CSMD2: variants seen among roughly 807,000 people sequenced by gnomAD.
The protein encoded by CSMD2 is CUB and Sushi multiple domains 2, also known as CUB and sushi domain-containing protein 2.
CSMD2 carries 130 observed loss-of-function variants against 398.5 expected under a neutral mutation model. The observed-to-expected ratio is 0.33, with a 90% confidence interval of 0.28 to 0.38. The LOEUF (loss-of-function observed/expected upper bound fraction) is 0.38, where lower values mean the gene tolerates loss of function less well. Among genes scored for constraint, CSMD2 ranks in the 10% least tolerant of loss-of-function variants. The probability of loss-of-function intolerance (pLI) is 1.00; values close to 1 mark genes in which losing one functional copy is unlikely to be tolerated. For missense variants in CSMD2, 3,829 were observed against 4,764.9 expected, an observed-to-expected ratio of 0.80 and a Z score of 5.78; for synonymous variants, 1,828 against 1,908.5, an observed-to-expected ratio of 0.96 and a Z score of 1.10.
At position 33,520,836 on chromosome 1, in the gene CSMD2, TC is replaced by T. The variant is rs1464353319; in HGVS notation, c.10597+626del. ...CACGCACCTGCGGCTGCCTCCTGTT[TC>T]CCCCTCCCCTGCTTCTGAGAAACCA... On this transcript the variant is annotated intron_variant, in intron 68 of 70. Coordinates refer to ENST00000373381, the MANE Select transcript of CSMD2 (RefSeq NM_001281956.2). 2.0e-5 allele frequency among the ~76,000 whole-genome samples: 3 copies of T among 152,164 alleles called. No homozygotes were observed. The East Asian group carries it at 5.8e-4, about 29-fold the overall frequency.
At chr1:33,871,395 C>A (rs1444343583) in intron 5 of CSMD2, among the ~76,000 whole-genome samples, 1 of 152,134 alleles carries the variant, frequency 6.6e-6, no homozygotes, top group Non-Finnish European at 1.5e-5. Flanking sequence ...AAGTGATGAA[C>A]ATGTTATTGG....
At chr1:33,576,187 C>T (rs1048715897) in intron 49 of CSMD2, among the ~76,000 whole-genome samples, 32 of 152,186 alleles carry the variant, frequency 2.1e-4, no homozygotes, top group African/African-American at 7.7e-4. Context: ...AGTTTATCGT[C>T]ACAAAGAATA....
intron 22 of CSMD2, among the ~76,000 whole-genome samples, chr1:33,701,714 G>T (rs1276556803): frequency 6.6e-6 from 1 of 152,226 alleles, no homozygotes; most frequent in Non-Finnish European, 1.5e-5. Flanking sequence ...TTGTGTAATT[G>T]CTGTGTATCA....
At chr1:33,671,541 C>A (rs1644497957) in intron 25 of CSMD2, among the ~76,000 whole-genome samples, 1 of 152,056 alleles carries the variant, frequency 6.6e-6, no homozygotes, top group African/African-American at 2.4e-5. Context: ...TCTCCACATG[C>A]CTTTCCTCAA....
chr1:33,882,822 A>T (rs1486959479), intron 5 of CSMD2, among the ~76,000 whole-genome samples: 1 of 151,952 alleles, frequency 6.6e-6, no homozygotes, highest in Admixed American at 6.6e-5. Flanking sequence ...TCTTCCTTCC[A>T]TTCTTCCTTC....
intron 58 of CSMD2, among the ~76,000 whole-genome samples, chr1:33,541,789 G>A (rs1656369781): frequency 1.3e-5 from 2 of 152,214 alleles, no homozygotes; most frequent in South Asian, 4.1e-4. Context: ...TCCTAAATGA[G>A]GCTAGGACCC....
intron 3 of CSMD2, among the ~76,000 whole-genome samples, chr1:33,987,064 C>A (rs1646383851): frequency 2.0e-5 from 3 of 152,060 alleles, no homozygotes; most frequent in Admixed American, 2.0e-4. Flanking sequence ...CCCCTCTGCC[C>A]AGAGGGGCTA....
At chr1:34,082,433 G>T (rs1286904330) in intron 2 of CSMD2, among the ~76,000 whole-genome samples, 1 of 151,090 alleles carries the variant, frequency 6.6e-6, no homozygotes, top group Non-Finnish European at 1.5e-5. Context: ...CCCCCGCCTG[G>T]CAGCCGCCCC....
intron 5 of CSMD2, among the ~76,000 whole-genome samples, chr1:33,902,347 A>C (rs1268624450): frequency 6.6e-6 from 1 of 152,124 alleles, no homozygotes; most frequent in Non-Finnish European, 1.5e-5. Context: ...TATTTCCAGA[A>C]AGACAATCAA....
intron 10 of CSMD2, among the ~76,000 whole-genome samples, chr1:33,808,207 G>A (rs562425998): frequency 1.4e-4 from 21 of 152,150 alleles, no homozygotes; most frequent in East Asian, 1.2e-3. Flanking sequence ...TCCCTCTGCC[G>A]TTGATTGATG....
At chr1:33,534,308 G>A (rs1322942708) in intron 62 of CSMD2, among the ~76,000 whole-genome samples, 1 of 152,210 alleles carries the variant, frequency 6.6e-6, no homozygotes, top group Non-Finnish European at 1.5e-5. Context: ...ACACTCAAAT[G>A]TGATGGCGGA....
chr1:33,708,859 A>G (rs773498788), intron 22 of CSMD2, among the ~76,000 whole-genome samples: 1 of 152,120 alleles, frequency 6.6e-6, no homozygotes, highest in Non-Finnish European at 1.5e-5. Flanking sequence ...ACTCAATTAC[A>G]CATGCATTTG....
At chr1:33,920,329 T>C (rs1431871043) in intron 4 of CSMD2, among the ~76,000 whole-genome samples, 3 of 144,836 alleles carry the variant, frequency 2.1e-5, no homozygotes, top group African/African-American at 7.7e-5. Flanking sequence ...AGGAGTTCAA[T>C]ACCAGCTTGG....
intron 13 of CSMD2, among the ~76,000 whole-genome samples, chr1:33,764,735 G>C (rs1462866601): frequency 6.6e-6 from 1 of 152,216 alleles, no homozygotes; most frequent in Non-Finnish European, 1.5e-5. Flanking sequence ...AATCTTTGCT[G>C]ATCCCAACTC....
chr1:34,141,437 G>A (rs1463590408), intron 1 of CSMD2, among the ~76,000 whole-genome samples: 4 of 152,174 alleles, frequency 2.6e-5, no homozygotes, highest in African/African-American at 7.2e-5. Context: ...CAGGGTAAGC[G>A]AAGGAAGGGA....
In CSMD2 at chr1:33,516,267, T is replaced by C. The variant is rs1205396366; in HGVS notation, c.*357A>G. 1 of 152,006 alleles carries C rather than the reference T, an allele frequency of 6.6e-6. No individual in the cohort carries two copies. The highest frequency in any genetic ancestry group is 1.5e-5 in the Non-Finnish European group (1 of 68,020). 9.4% of individuals were successfully genotyped at this position (152,006 alleles called of 1,614,324 possible). ...TTTGAAGCCTTTATGGTCTCTTCCA[T>C]AGGACGTGAATGAAGGAGAGGTGTG... On this transcript the variant is annotated 3_prime_UTR_variant, in exon 71 of 71. Transcript: ENST00000373381.
intron 3 of CSMD2, among the ~76,000 whole-genome samples, chr1:33,981,548 C>G (rs558567466): frequency 6.6e-6 from 1 of 152,222 alleles, no homozygotes; most frequent in Non-Finnish European, 1.5e-5. Flanking sequence ...CATAACAACC[C>G]CTTCATTTGT....
At chr1:33,581,587 GA>G (rs1255196916) in intron 47 of CSMD2, among the ~76,000 whole-genome samples, 1 of 115,692 alleles carries the variant, frequency 8.6e-6, no homozygotes, top group South Asian at 3.0e-4. Context: ...CTGCCATATA[GA>G]AAAAAATATT....
At chr1:33,618,015 A>AAGACAGAGAGACAGAGACAGAG (rs55849998) in intron 37 of CSMD2, among the ~76,000 whole-genome samples, 2 of 147,958 alleles carry the variant, frequency 1.4e-5, no homozygotes, top group East Asian at 2.0e-4. Flanking sequence ...CCTGTGGGCT[A>AAGACAGAGAGACAGAGACAGAG]AGACAGAGAG....
Sources: gnomAD v4.1 joint callset for allele counts (sites outside exome capture counted in the v4.1 genomes callset) on GRCh38, gnomAD v4.1.1 for gene constraint, MANE v1.5 for transcripts, NCBI Gene and HGNC (gene_info 2026-07-23, HGNC 2026-07-21) for gene names.